The following KLHL6 variants were observed in gnomAD, a reference collection of about 807,000 sequenced individuals.
KLHL6 encodes the protein kelch like family member 6, also known as kelch-like protein 6.
Under a neutral mutation model 58.6 loss-of-function variants are expected in KLHL6, and 41 were observed. That is an observed-to-expected ratio of 0.70 (90% CI 0.55 to 0.91). The LOEUF (loss-of-function observed/expected upper bound fraction) is 0.91, where lower values mean the gene tolerates loss of function less well. Among genes scored for constraint, KLHL6 ranks in the 40% least tolerant of loss-of-function variants. KLHL6 has a pLI of 0.00. For missense variants in KLHL6, 714 were observed against 805.6 expected (o/e 0.89, Z 1.38); for synonymous variants, 338 against 322.7 (o/e 1.05, Z -0.51).
chr3:183,528,348 A>G (rs1712049692), intron 1 of KLHL6, among the ~76,000 whole-genome samples: 1 of 152,058 alleles, frequency 6.6e-6, no homozygotes, highest in South Asian at 2.1e-4. Context: ...TCCACCCAGC[A>G]CCCAAACAGG....
rs1235877454 is a variant in KLHL6, at chr3:183,492,761, TG to T, written c.1351-55del. On this transcript the variant is annotated intron_variant, in intron 5 of 6. Coordinates refer to ENST00000341319, the MANE Select transcript of KLHL6 (RefSeq NM_130446.4). The surrounding 1 kb of genome is among the most constrained non-coding windows in gnomAD (Gnocchi z 5.9). ...CTGTCAGTCATGCTGCCCAGATTGC[TG>T]CAGTAGCTCCCAGGATACAGGACAG... The T allele has an allele frequency of 5.8e-6, 9 of 1,544,138 alleles. No homozygotes were observed. The highest frequency in any genetic ancestry group is 7.1e-6 in the Non-Finnish European group (8 of 1,122,578).
intron 1 of KLHL6, chr3:183,549,001 G>T (rs1007884122): frequency 6.6e-6 from 1 of 151,596 alleles, no homozygotes; most frequent in Non-Finnish European, 1.5e-5. Context: ...GTCGGCGGGT[G>T]GGGGACAAGG....
intron 2 of KLHL6, among the ~76,000 whole-genome samples, chr3:183,518,242 A>ACT (rs373925657): frequency 1.3e-5 from 2 of 151,484 alleles, no homozygotes; most frequent in Admixed American, 6.6e-5. Context: ...TGAGCTGAAC[A>ACT]CTCTCTCTCT....
chr3:183,497,149 C>T (rs1252000717), intron 4 of KLHL6, among the ~76,000 whole-genome samples: 1 of 152,122 alleles, frequency 6.6e-6, no homozygotes. Flanking sequence ...TGGTGGTGGG[C>T]ACCTGTAATC....
intron 1 of KLHL6, among the ~76,000 whole-genome samples, chr3:183,551,034 T>G (rs1165827384): frequency 6.9e-6 from 1 of 144,226 alleles, no homozygotes; most frequent in Admixed American, 7.2e-5. Flanking sequence ...GGCAGGAGAA[T>G]GGCATGAACC....
intron 2 of KLHL6, among the ~76,000 whole-genome samples, chr3:183,521,942 G>A (rs372252590): frequency 6.7e-5 from 10 of 149,584 alleles, no homozygotes; most frequent in South Asian, 2.2e-4. Context: ...TGATCCGCCC[G>A]CCTCCACCTC....
chr3:183,521,079 C>G (rs1319724610), intron 2 of KLHL6: 1 of 152,292 alleles, frequency 6.6e-6, no homozygotes, highest in Non-Finnish European at 1.5e-5. Flanking sequence ...CCTGGGTACT[C>G]TCGAGACTGG....
chr3:183,507,730 G>A (rs549561654), intron 3 of KLHL6, among the ~76,000 whole-genome samples: 2 of 152,148 alleles, frequency 1.3e-5, no homozygotes, highest in Admixed American at 6.5e-5. Flanking sequence ...CACCAGGCCC[G>A]GCCCAGGGCA....
rs1376703260 is a variant in KLHL6, at chr3:183,489,691, T to C, written c.*2236A>G. On this transcript the variant is annotated 3_prime_UTR_variant, in exon 7 of 7. Transcript: ENST00000341319. Reference sequence around the variant, plus strand: ...TAAAATTCCACAAATATGTTTCTATTGCCCTGTGTTACTTTCCACAGCAGA... The same window carrying C: ...TAAAATTCCACAAATATGTTTCTATCGCCCTGTGTTACTTTCCACAGCAGA... 6.6e-6 allele frequency: 1 copy of C among 152,254 alleles called. No individual in the cohort carries two copies. Among genetic ancestry groups the C allele is most frequent in the African/African-American group, 2.4e-5 (1 of 41,472 alleles). 9.4% of individuals were successfully genotyped at this position (152,254 alleles called of 1,614,324 possible).
intron 4 of KLHL6, among the ~76,000 whole-genome samples, chr3:183,497,917 C>T (rs746419476): frequency 6.6e-5 from 10 of 152,302 alleles, no homozygotes; most frequent in South Asian, 2.1e-4. Flanking sequence ...TTTTACTTTA[C>T]GTGCTCAGTA....
intron 1 of KLHL6, 41 bp downstream of exon 1, chr3:183,555,320 C>T: frequency 6.3e-7 from 1 of 1,586,338 alleles, no homozygotes; most frequent in Non-Finnish European, 8.6e-7. Flanking sequence ...CTCTTCCTTG[C>T]AACTTGCACC....
intron 1 of KLHL6, among the ~76,000 whole-genome samples, chr3:183,532,375 AT>A (rs1408223039): frequency 2.0e-5 from 3 of 152,352 alleles, no homozygotes; most frequent in African/African-American, 7.2e-5. Flanking sequence ...GTGTGAGGAA[AT>A]AAACATTTCT....
chr3:183,521,181 G>A (rs531183006), intron 2 of KLHL6: 22 of 152,806 alleles, frequency 1.4e-4, no homozygotes, highest in Non-Finnish European at 2.6e-4. Flanking sequence ...TAAACCTTGA[G>A]TCAACACAGC....
chr3:183,488,144 T>C lies in KLHL6; in HGVS notation c.*3783A>G, dbSNP rs1717450908. The C allele has an allele frequency of 6.6e-6, 1 of 152,198 alleles. No homozygotes were observed. Among genetic ancestry groups the C allele is most frequent in the Non-Finnish European group, 1.5e-5 (1 of 68,058 alleles). 9.4% of individuals were successfully genotyped at this position (152,198 alleles called of 1,614,324 possible). ...AAGCTAAGACGAGAACATGAATCTG[T>C]TGGTGTTCTGATGAGCTTAGCTCCC... On this transcript the variant is annotated 3_prime_UTR_variant, in exon 7 of 7. Coordinates refer to ENST00000341319, the MANE Select transcript of KLHL6 (RefSeq NM_130446.4).
chr3:183,507,277 C>T (rs1181650526), intron 3 of KLHL6, among the ~76,000 whole-genome samples: 1 of 151,970 alleles, frequency 6.6e-6, no homozygotes, highest in Admixed American at 6.6e-5. Context: ...TGAGAAATTT[C>T]CAGAAATTCA....
intron 1 of KLHL6, 33 bp downstream of exon 1, chr3:183,555,328 A>T: frequency 6.3e-7 from 1 of 1,598,454 alleles, no homozygotes; most frequent in Non-Finnish European, 8.6e-7. Flanking sequence ...TGCAACTTGC[A>T]CCCAATTTGA....
chr3:183,532,092 C>A (rs1230207594), intron 1 of KLHL6, among the ~76,000 whole-genome samples: 1 of 152,162 alleles, frequency 6.6e-6, no homozygotes, highest in African/African-American at 2.4e-5. Flanking sequence ...GAAACCCTAA[C>A]CCCTAATGTG....
chr3:183,545,041 C>A (rs1712675183), intron 1 of KLHL6, among the ~76,000 whole-genome samples: 1 of 152,106 alleles, frequency 6.6e-6, no homozygotes, highest in Admixed American at 6.6e-5. Context: ...CAGAAGTCAG[C>A]CTGAGAAACC....
At chr3:183,534,943 TA>T (rs1318925941) in intron 1 of KLHL6, among the ~76,000 whole-genome samples, 68 of 115,872 alleles carry the variant, frequency 5.9e-4, no homozygotes, top group African/African-American at 1.3e-3. Flanking sequence ...CATATATATA[TA>T]TATATATTTT....
Sources: allele counts gnomAD v4.1 joint callset (sites outside exome capture counted in the v4.1 genomes callset), GRCh38; gene constraint gnomAD v4.1.1; non-coding constraint Gnocchi (gnomAD v3.1); transcripts MANE v1.5; gene names NCBI Gene and HGNC (gene_info 2026-07-23, HGNC 2026-07-21).